Variants in TENM4 observed in about 807,000 individuals in gnomAD.
TENM4 encodes teneurin transmembrane protein 4.
A neutral mutation model predicts 243.3 loss-of-function variants in TENM4; 82 were observed. The ratio of observed to expected loss-of-function variants is 0.34; its 90% confidence interval spans 0.28 to 0.40. TENM4 has a LOEUF of 0.40. Ranked by LOEUF, TENM4 falls within the 10% of genes least tolerant of loss-of-function variation. The pLI is 1.00. For synonymous variants in TENM4, 1,412 were observed against 1,456.3 expected (o/e 0.97, Z 0.69); for missense variants, 3,138 against 3,673.3 (o/e 0.85, Z 3.77).
intron 11 of TENM4, 100 bp from the exon 12 acceptor site, chr11:78,854,414 T>C (rs1858623590): frequency 6.0e-6 from 7 of 1,172,508 alleles, no homozygotes; most frequent in Non-Finnish European, 7.9e-6. Flanking sequence ...GAAACACAAA[T>C]AGAGGCAAAA....
At chr11:79,283,242 ACACACAC>A (rs1219374367) in intron 2 of TENM4, among the ~76,000 whole-genome samples, 6 of 151,358 alleles carry the variant, frequency 4.0e-5, no homozygotes, top group African/African-American at 1.2e-4. Context: ...ACACACACAC[ACACACAC>A]AAGTACAGAT....
At chr11:78,670,583 GA>G in intron 31 of TENM4, 32 bp from the exon 32 acceptor site, 1 of 1,567,322 alleles carries the variant, frequency 6.4e-7, no homozygotes, top group Non-Finnish European at 8.6e-7. Context: ...GAGATGAGAG[GA>G]GGGTGGTGAG....
intron 30 of TENM4, among the ~76,000 whole-genome samples, chr11:78,675,839 G>T (rs1274458404): frequency 6.6e-6 from 1 of 152,062 alleles, no homozygotes; most frequent in Non-Finnish European, 1.5e-5. Context: ...TGTAAAATTG[G>T]CCTTGTCCTT....
chr11:79,121,440 C>G (rs891152536), intron 4 of TENM4, among the ~76,000 whole-genome samples: 3 of 152,200 alleles, frequency 2.0e-5, no homozygotes, highest in Admixed American at 6.5e-5. Context: ...ACCCCTGACA[C>G]ATGGGAAGGA....
At chr11:79,335,088 T>C (rs61882484) in intron 1 of TENM4, among the ~76,000 whole-genome samples, 10,238 of 152,292 alleles carry the variant, frequency 0.067, 402 homozygotes, top group Middle Eastern at 0.071. Context: ...TAACAACACT[T>C]ATCACAGGGT....
intron 2 of TENM4, among the ~76,000 whole-genome samples, chr11:79,229,658 TG>T (rs752480305): frequency 6.6e-6 from 1 of 152,194 alleles, no homozygotes; most frequent in Non-Finnish European, 1.5e-5. Context: ...CATTGGACAT[TG>T]TATGTTCATT....
At chr11:78,789,713 G>A (rs1857015245) in intron 15 of TENM4, among the ~76,000 whole-genome samples, 1 of 152,174 alleles carries the variant, frequency 6.6e-6, no homozygotes, top group Admixed American at 6.6e-5. Context: ...CCAAAGCCAT[G>A]GTGTTTTCAG....
At chr11:79,035,264 G>A (rs1022334821) in intron 6 of TENM4, among the ~76,000 whole-genome samples, 1 of 152,264 alleles carries the variant, frequency 6.6e-6, no homozygotes, top group Non-Finnish European at 1.5e-5. Flanking sequence ...ATCCACAGGG[G>A]ACACGGCTGG....
chr11:79,180,339 C>A (rs1863256734), intron 3 of TENM4, among the ~76,000 whole-genome samples: 1 of 151,638 alleles, frequency 6.6e-6, no homozygotes, highest in African/African-American at 2.4e-5. Flanking sequence ...TGGAATTAGA[C>A]ATGGGTTTCC....
At chr11:79,204,103 G>A (rs189613502) in intron 3 of TENM4, among the ~76,000 whole-genome samples, 116 of 152,300 alleles carry the variant, frequency 7.6e-4, no homozygotes, top group African/African-American at 2.6e-3. Flanking sequence ...TGGTGCAGGG[G>A]GTGGAGGCAT....
chr11:78,786,932 G>A lies in TENM4; in HGVS notation c.2331C>T (p.Cys777=), dbSNP rs763986215. ...AGTGTTCGCCATTCCAGCCAGGGCT[G>A]CACTCGCACTTGCCGTCGCGGCAGG... is the stretch of plus-strand genomic sequence containing the variant. ...HGTCRDGKCE[C]SPGWNGEHCT... The change falls in exon 16 of 34, where the codon TGC becomes TGT. Residue 777 remains cysteine, a synonymous_variant. Transcript: ENST00000278550. 2 of 1,608,784 alleles carry A rather than the reference G, an allele frequency of 1.2e-6. No individual in the cohort carries two copies. Among genetic ancestry groups the A allele is most frequent in the Non-Finnish European group, 1.7e-6 (2 of 1,177,988 alleles).
chr11:78,834,173 T>C (rs1858044925), intron 12 of TENM4, among the ~76,000 whole-genome samples: 1 of 152,244 alleles, frequency 6.6e-6, no homozygotes, highest in Non-Finnish European at 1.5e-5. Flanking sequence ...AACCCATTTA[T>C]GGGAATTTTA....
intron 4 of TENM4, among the ~76,000 whole-genome samples, chr11:79,102,046 C>T (rs531887309): frequency 6.6e-6 from 1 of 152,204 alleles, no homozygotes; most frequent in Non-Finnish European, 1.5e-5. Flanking sequence ...AATTTCTTAA[C>T]TTCTCCATGC....
chr11:79,069,294 C>T (rs1258517159), intron 5 of TENM4, among the ~76,000 whole-genome samples: 3 of 152,158 alleles, frequency 2.0e-5, no homozygotes, highest in African/African-American at 4.8e-5. Flanking sequence ...TAGGAACTAA[C>T]ATTTATTCAG....
At chr11:79,089,029 G>A (rs531317024) in intron 4 of TENM4, among the ~76,000 whole-genome samples, 13 of 152,272 alleles carry the variant, frequency 8.5e-5, no homozygotes, top group Admixed American at 1.3e-4. Flanking sequence ...GGTCTGGAGC[G>A]GGAAAATGTG....
intron 6 of TENM4, among the ~76,000 whole-genome samples, chr11:78,996,951 A>G (rs1422062441): frequency 6.6e-6 from 1 of 151,146 alleles, no homozygotes; most frequent in Non-Finnish European, 1.5e-5. Context: ...GCCAAAGAAG[A>G]GTTCTTCTCA....
chr11:79,103,021 C>T (rs1007216984), intron 4 of TENM4, among the ~76,000 whole-genome samples: 2 of 152,130 alleles, frequency 1.3e-5, no homozygotes, highest in Non-Finnish European at 1.5e-5. Flanking sequence ...CATCCAAGAC[C>T]CAGTACAACC....
At position 78,704,050 on chromosome 11, in the gene TENM4, C is replaced by T. The variant is rs1026749820; in HGVS notation, c.4210-1647G>A. ...ATATATATATACACACACACACACA[C>T]ACACACACACACACATATATATATA... On this transcript the variant is annotated intron_variant, in intron 27 of 33. Coordinates refer to ENST00000278550, the MANE Select transcript of TENM4 (RefSeq NM_001098816.3). 1.2e-4 allele frequency among the ~76,000 whole-genome samples: 17 copies of T among 147,258 alleles called. No homozygotes were observed. The South Asian group carries it at 3.4e-3, about 29-fold the overall frequency.
At chr11:79,234,954 TG>T (rs1864436805) in intron 2 of TENM4, among the ~76,000 whole-genome samples, 2 of 152,096 alleles carry the variant, frequency 1.3e-5, no homozygotes, top group Non-Finnish European at 2.9e-5. Flanking sequence ...TATCTGGCAT[TG>T]GGCTCAGTGA....
Sources: gnomAD v4.1 joint callset for allele counts (sites outside exome capture counted in the v4.1 genomes callset) on GRCh38, gnomAD v4.1.1 for gene constraint, MANE v1.5 for transcripts, NCBI Gene and HGNC (gene_info 2026-07-23, HGNC 2026-07-21) for gene names.